The following BCAS3 variants were observed in gnomAD, a reference collection of about 807,000 sequenced individuals.
BCAS3 encodes the protein BCAS4/BCAS3 fusion.
A neutral mutation model predicts 116.1 loss-of-function variants in BCAS3; 53 were observed. The ratio of observed to expected loss-of-function variants is 0.46; its 90% CI spans 0.37 to 0.57. The LOEUF is 0.57. BCAS3 is among the 20% of genes least tolerant of loss of function. The pLI is 0.00. For missense variants in BCAS3, 917 were observed against 1,165.4 expected (o/e 0.79, Z 3.10); for synonymous variants, 391 against 408.2 (o/e 0.96, Z 0.51).
At chr17:61,328,278 G>A (rs927192301) in intron 22 of BCAS3, among the ~76,000 whole-genome samples, 1 of 152,160 alleles carries the variant, frequency 6.6e-6, no homozygotes, top group Admixed American at 6.5e-5. Flanking sequence ...CATTAACAGT[G>A]CTTGTCTCTG....
chr17:60,903,533 CTG>C (rs1273388217), intron 11 of BCAS3, among the ~76,000 whole-genome samples: 1 of 152,164 alleles, frequency 6.6e-6, no homozygotes, highest in African/African-American at 2.4e-5. Flanking sequence ...GGGTCTCGCT[CTG>C]TTGCTCAGGC....
At chr17:61,058,689 G>C (rs1315270418) in intron 19 of BCAS3, among the ~76,000 whole-genome samples, 2 of 152,052 alleles carry the variant, frequency 1.3e-5, no homozygotes, top group Non-Finnish European at 2.9e-5. Context: ...TGTGACTTCT[G>C]GTTAAAGTAA....
At chr17:60,686,951 A>C (rs2034143776) in intron 3 of BCAS3, among the ~76,000 whole-genome samples, 2 of 152,366 alleles carry the variant, frequency 1.3e-5, no homozygotes, top group South Asian at 4.1e-4. Flanking sequence ...ATTAATAAGC[A>C]AATGATGATA....
chr17:61,001,316 C>T (rs1469487129), intron 15 of BCAS3, among the ~76,000 whole-genome samples: 1 of 150,434 alleles, frequency 6.6e-6, no homozygotes, highest in Non-Finnish European at 1.5e-5. Flanking sequence ...ATTCCTTTTA[C>T]CACTCAAAGA....
intron 5 of BCAS3, among the ~76,000 whole-genome samples, chr17:60,721,542 A>T (rs1413894215): frequency 2.0e-5 from 3 of 152,168 alleles, no homozygotes; most frequent in Non-Finnish European, 4.4e-5. Flanking sequence ...TGTTGATTTG[A>T]CATAGGCAGT....
At chr17:60,821,025 C>A (rs939045876) in intron 7 of BCAS3, among the ~76,000 whole-genome samples, 2 of 152,204 alleles carry the variant, frequency 1.3e-5, no homozygotes, top group Non-Finnish European at 2.9e-5. Context: ...CGGCTCACTG[C>A]AACCTCCGCC....
At chr17:61,216,923 C>G (rs958656441) in intron 22 of BCAS3, among the ~76,000 whole-genome samples, 6 of 152,054 alleles carry the variant, frequency 3.9e-5, no homozygotes, top group Non-Finnish European at 8.8e-5. Flanking sequence ...CTGCTTGAAT[C>G]TAAATACCTT....
intron 22 of BCAS3, among the ~76,000 whole-genome samples, chr17:61,137,506 C>T (rs1371515778): frequency 1.3e-5 from 2 of 152,228 alleles, no homozygotes; most frequent in East Asian, 1.9e-4. Flanking sequence ...TGGTGGCACA[C>T]GCCTGTAATC....
chr17:60,847,128 C>G (rs1280937534), intron 7 of BCAS3, among the ~76,000 whole-genome samples: 2 of 152,158 alleles, frequency 1.3e-5, no homozygotes, highest in Non-Finnish European at 2.9e-5. Flanking sequence ...GGAGGTTCAT[C>G]CATGCTGTAG....
Position 61,200,520 on chromosome 17 carries a change from C to T in BCAS3, c.2425+115956C>T, listed in dbSNP as rs537760417. ...GAAGGCCGTATGGTAAATCAATGAC[C>T]GAGCTGGTGTGGAATGTTAGCCTCC... On this transcript the variant is annotated intron_variant, in intron 22 of 23. Coordinates refer to ENST00000407086, the MANE Select transcript of BCAS3 (RefSeq NM_017679.5). The surrounding 1 kb of genome is among the most constrained non-coding windows in gnomAD (Gnocchi z 5.1). Among the ~76,000 whole-genome samples, 2 of 152,290 alleles carry T rather than the reference C, an allele frequency of 1.3e-5. No homozygotes were observed. Among genetic ancestry groups the T allele is most frequent in the Admixed American group, 1.3e-4 (2 of 15,298 alleles).
At chr17:61,274,777 A>C (rs1251443560) in intron 22 of BCAS3, among the ~76,000 whole-genome samples, 1 of 152,190 alleles carries the variant, frequency 6.6e-6, no homozygotes, top group Non-Finnish European at 1.5e-5. Flanking sequence ...AACCAAAAGC[A>C]TCTCAATTGG....
At chr17:61,257,420 CAAAAAAAAAAAA>C (rs35124459) in intron 22 of BCAS3, among the ~76,000 whole-genome samples, 2 of 57,214 alleles carry the variant, frequency 3.5e-5, no homozygotes, top group Admixed American at 2.1e-4. Context: ...GACTCCATCT[CAAAAAAAAAAAA>C]AAAAAAAAAA....
chr17:60,947,872 G>A (rs892213402), intron 14 of BCAS3, among the ~76,000 whole-genome samples: 1 of 152,044 alleles, frequency 6.6e-6, no homozygotes, highest in East Asian at 1.9e-4. Flanking sequence ...TTTTGATTGC[G>A]TGAAATCACC....
chr17:60,699,812 G>A (rs1193343642), intron 4 of BCAS3, among the ~76,000 whole-genome samples: 1 of 149,506 alleles, frequency 6.7e-6, no homozygotes, highest in Non-Finnish European at 1.5e-5. Flanking sequence ...GCAGTGAGCC[G>A]AGATCGAGCC....
chr17:60,854,361 G>A lies in BCAS3; in HGVS notation c.477-14215G>A, dbSNP rs546767464. On this transcript the variant is annotated intron_variant, in intron 7 of 23. Transcript: ENST00000407086. ...GTGAATAGTGCCGCAATGAACATACGTGTGCATGTGTCTTTATAGCAGTAT... is the reference window on the plus strand; with the variant it reads ...GTGAATAGTGCCGCAATGAACATACATGTGCATGTGTCTTTATAGCAGTAT... Among the ~76,000 whole-genome samples, 221 of 152,264 alleles carry A rather than the reference G, an allele frequency of 1.5e-3. 1 individual carries two copies. The highest frequency in any genetic ancestry group is 3.4e-3 in the Middle Eastern group (1 of 294).
rs997956133 is a variant in BCAS3 at position 61,315,673 on chromosome 17, C to G, written c.2426-52654C>G. On this transcript the variant is annotated intron_variant, in intron 22 of 23. Coordinates refer to ENST00000407086, the MANE Select transcript of BCAS3 (RefSeq NM_017679.5). This position sits in a 1 kb window ranked among gnomAD's most constrained non-coding sequence, Gnocchi z 5.3. ...CCCATCGATGCTTCCCCATGTGGGT[C>G]CTGGAATGTGACCAGGCTGACTGAC... 1.3e-5 allele frequency among the ~76,000 whole-genome samples: 2 copies of G among 152,202 alleles called. No individual in the cohort carries two copies. Among genetic ancestry groups the G allele is most frequent in the Non-Finnish European group, 2.9e-5 (2 of 68,032 alleles).
At chr17:60,953,917 A>G (rs2060983131) in intron 14 of BCAS3, among the ~76,000 whole-genome samples, 1 of 151,872 alleles carries the variant, frequency 6.6e-6, no homozygotes, top group Non-Finnish European at 1.5e-5. Context: ...TATTTTTAGT[A>G]TAGATGGGGT....
chr17:60,855,454 T>TC, intron 7 of BCAS3, among the ~76,000 whole-genome samples: 1 of 142,272 alleles, frequency 7.0e-6, no homozygotes, highest in East Asian at 2.0e-4. Flanking sequence ...ATTTTTAAAT[T>TC]TTTTTTTTTT....
intron 6 of BCAS3, among the ~76,000 whole-genome samples, chr17:60,790,959 C>T (rs1346846926): frequency 6.6e-6 from 1 of 152,066 alleles, no homozygotes; most frequent in Admixed American, 6.5e-5. Flanking sequence ...CCAGGCTGGT[C>T]TTGAACTCCT....
Sources: allele counts gnomAD v4.1 joint callset (sites outside exome capture counted in the v4.1 genomes callset), GRCh38; gene constraint gnomAD v4.1.1; non-coding constraint Gnocchi (gnomAD v3.1); transcripts MANE v1.5; gene names NCBI Gene and HGNC (gene_info 2026-07-23, HGNC 2026-07-21).